SALL4: variants seen among roughly 807,000 people sequenced by gnomAD.
SALL4 encodes the protein sal-like protein 4.
In SALL4, 4 loss-of-function variants were observed where a neutral mutation model predicts 60.8. The ratio of observed to expected loss-of-function variants is 0.07; its 90% CI spans 0.03 to 0.15. The LOEUF is 0.15. SALL4 is among the 10% of genes least tolerant of loss of function. The pLI is 1.00. For missense variants in SALL4, 1,178 were observed against 1,394.7 expected, an observed-to-expected ratio of 0.84 and a Z score of 2.48; for synonymous variants, 580 against 574.9, an observed-to-expected ratio of 1.01 and a Z score of -0.13.
rs1192861393 is a variant in SALL4, at chr20:51,783,253, T to C, written c.*1012A>G. On this transcript the variant is annotated 3_prime_UTR_variant, in exon 4 of 4. Transcript: ENST00000217086. ...GCATCCAAGAGGTGTGGGGAAAACA[T>C]TGGCACTCTCGGGGCTCCAACTGAA... 6.6e-6 allele frequency: 1 copy of C among 152,068 alleles called. No individual in the cohort carries two copies. The highest frequency in any genetic ancestry group is 1.5e-5 in the Non-Finnish European group (1 of 68,016). The allele number at this position is 152,068 out of a possible 1,614,324, so 9.4% of individuals were successfully genotyped here. A position where few individuals can be genotyped will look rare whatever the true frequency, so the allele number is the denominator to read the frequency against.
chr20:51,794,796 TTAAGTAAAC>T (rs2078070187), intron 1 of SALL4, among the ~76,000 whole-genome samples: 1 of 152,264 alleles, frequency 6.6e-6, no homozygotes, highest in Non-Finnish European at 1.5e-5. Flanking sequence ...AGCTAACATG[TTAAGTAAAC>T]TGCAGAGCCA....
intron 3 of SALL4, 128 bp from the exon 4 acceptor site, chr20:51,784,812 C>T (rs2077980861): frequency 9.0e-7 from 1 of 1,106,824 alleles, no homozygotes; most frequent in Non-Finnish European, 1.4e-6. Flanking sequence ...CCTTGACTTA[C>T]AGCGGGGTTA....
rs948037595 is a variant in SALL4, at chr20:51,788,615, C to T, written c.2742+246G>A. Among the ~76,000 whole-genome samples, 1 of 152,100 alleles carries T rather than the reference C, an allele frequency of 6.6e-6. No individual in the cohort carries two copies. The highest frequency in any genetic ancestry group is 1.5e-5 in the Non-Finnish European group (1 of 68,038). The stretch of plus-strand genomic sequence containing the variant: ...CTGAGGCAGGAGAATGGCATGAACC[C>T]GGGAGGAGGAGCTTGCAGTGAGCTT... On this transcript the variant is annotated intron_variant, in intron 3 of 3. Transcript: ENST00000217086. This position sits in a 1 kb window ranked among gnomAD's most constrained non-coding sequence, Gnocchi z 4.1.
rs2078009993 is a variant in SALL4, at chr20:51,788,653, G to A, written c.2742+208C>T. Among the ~76,000 whole-genome samples the A allele has an allele frequency of 2.0e-5, 3 of 152,022 alleles. No individual in the cohort carries two copies. Among genetic ancestry groups the A allele is most frequent in the South Asian group, 2.1e-4 (1 of 4,818 alleles). ...TTGCAGTGAGCTTGAGCTTGAGATGGCGCCACTGCACTCCAGTCTGGGCGA... is the reference window on the plus strand; with the variant it reads ...TTGCAGTGAGCTTGAGCTTGAGATGACGCCACTGCACTCCAGTCTGGGCGA... On this transcript the variant is annotated intron_variant, in intron 3 of 3. Coordinates refer to ENST00000217086, the MANE Select transcript of SALL4 (RefSeq NM_020436.5). The surrounding 1 kb of genome is among the most constrained non-coding windows in gnomAD (Gnocchi z 4.1).
intron 1 of SALL4, chr20:51,797,483 T>A (rs1034173950): frequency 6.6e-6 from 1 of 152,128 alleles, no homozygotes; most frequent in African/African-American, 2.4e-5. Flanking sequence ...ACCAGCAACA[T>A]CCCACTTGAC....
rs963189315 is a variant in SALL4, at chr20:51,795,547, A to G, written c.131-3195T>C. On this transcript the variant is annotated intron_variant, in intron 1 of 3. Coordinates refer to ENST00000217086, the MANE Select transcript of SALL4 (RefSeq NM_020436.5). Reference sequence around the variant, plus strand: ...AAGACTGGAAACCAGCACTAGTGGGAGTGCTAGGTGGCACAATCTTTCTAG... The same window carrying G: ...AAGACTGGAAACCAGCACTAGTGGGGGTGCTAGGTGGCACAATCTTTCTAG... Among the ~76,000 whole-genome samples the G allele has an allele frequency of 3.9e-5, 6 of 152,238 alleles. No homozygotes were observed. The East Asian group carries it at 1.2e-3, about 29-fold the overall frequency.
Position 51,790,698 on chromosome 20 carries a change from C to T in SALL4, c.1785G>A (p.Gln595=). The part of the protein sequence containing the change: ...YRTHTGERPF[Q]CKICGRAFST... ...AAAAGGCTCGGCCACAGATCTTACA[C>T]TGGAACGGTCTCTCCCCGGTGTGGG... The change falls in exon 2 of 4, where the codon CAG becomes CAA. Residue 595 remains glutamine, a synonymous_variant. Transcript: ENST00000217086. The surrounding 1 kb of genome is among the most constrained non-coding windows in gnomAD (Gnocchi z 5.5). 2 of 1,614,172 alleles carry T rather than the reference C, an allele frequency of 1.2e-6. No individual in the cohort carries two copies. Among genetic ancestry groups the T allele is most frequent in the Non-Finnish European group, 1.7e-6 (2 of 1,180,034 alleles).
At chr20:51,792,475 G>A in intron 1 of SALL4, 123 bp from the exon 2 acceptor site, 1 of 1,239,118 alleles carries the variant, frequency 8.1e-7, no homozygotes, top group Non-Finnish European at 1.2e-6. Context: ...GATCACCTGA[G>A]GTTGGGAATT....
chr20:51,789,087 A>G lies in SALL4; in HGVS notation c.2516T>C (p.Val839Ala). The change falls in exon 3 of 4, where the codon GTT becomes GCT. Residue 839 changes from valine (V) to alanine (A), a missense_variant. This residue lies in a region of SALL4 where 853 missense variants were observed against 1,036.8 expected (regional missense o/e 0.82). Coordinates refer to ENST00000217086, the MANE Select transcript of SALL4 (RefSeq NM_020436.5). ...FIRAPPTYVK[V>A]EVPGTFVGPS... ...TCCCACAAATGTGCCAGGAACTTCA[A>G]CCTTGACATAGGTCGGCGGGGCTCG... 1 of 1,614,218 alleles carries G rather than the reference A, an allele frequency of 6.2e-7. No individual in the cohort carries two copies. The highest frequency in any genetic ancestry group is 8.5e-7 in the Non-Finnish European group (1 of 1,180,036).
intron 1 of SALL4, among the ~76,000 whole-genome samples, chr20:51,796,862 A>G (rs576420511): frequency 1.3e-5 from 2 of 152,192 alleles, no homozygotes; most frequent in Admixed American, 1.3e-4. Context: ...TAAAGTTCTA[A>G]TATCACAAAC....
intron 2 of SALL4, 58 bp from the exon 3 acceptor site, chr20:51,789,199 T>G: frequency 1.9e-6 from 3 of 1,592,580 alleles, no homozygotes; most frequent in Non-Finnish European, 2.6e-6. Flanking sequence ...ATTCTTTCTC[T>G]TCAAAGCAAA....
rs11697572 is a variant in SALL4 at position 51,792,668 on chromosome 20, G to A, written c.131-316C>T. 0.026 allele frequency: 12,286 copies of A among 480,256 alleles called. 199 individuals are homozygous for A. Among genetic ancestry groups the A allele is most frequent in the Non-Finnish European group, 0.029 (11,136 of 388,080 alleles). The allele number at this position is 480,256 out of a possible 1,614,324, so 29.7% of individuals were successfully genotyped here. On this transcript the variant is annotated intron_variant, in intron 1 of 3. Transcript: ENST00000217086. ...CCCGCCATTGCACTCCAGCCTGAGC[G>A]ACAGAGCGAGACTCCATCTCAAAAA...
At chr20:51,792,711 G>A (rs1229841201) in intron 1 of SALL4, 5,298 of 496,866 alleles carry the variant, frequency 0.011, 110 homozygotes, top group East Asian at 0.028. Flanking sequence ...AAAAAAAAAG[G>A]CAAAAAGGCT....
chr20:51,789,133 T>G lies in SALL4; in HGVS notation c.2470A>C (p.Ser824Arg). 1 of 1,614,142 alleles carries G rather than the reference T, an allele frequency of 6.2e-7. No individual in the cohort carries two copies. Among genetic ancestry groups the G allele is most frequent in the South Asian group, 1.1e-5 (1 of 91,088 alleles). ...NSRTEMEGRS[S>R]LPSTFIRAPP... ...GCTCGGATAAACGTGGAAGGGAGAC[T>G]GCTCCGACCTAGTACACAGAGGGGA... Residue 824 changes from serine (S) to arginine (R), a missense_variant, in exon 3 of 4, where the codon AGT (serine) becomes CGT (arginine). Ser to Arg is a moderately radical substitution (Grantham distance 110). Around this residue, in one of 5 missense-constraint regions of SALL4, gnomAD observed 853 missense variants for 1,036.8 expected, o/e 0.82. Transcript: ENST00000217086.
intron 3 of SALL4, among the ~76,000 whole-genome samples, chr20:51,785,381 A>G (rs1000714156): frequency 1.3e-5 from 2 of 152,230 alleles, no homozygotes; most frequent in African/African-American, 2.4e-5. Context: ...GAATGGTTGT[A>G]TGGGTGCTCA....
rs76870996 is a variant in SALL4 at position 51,792,075 on chromosome 20, A to G, written c.408T>C (p.Asn136=). The G allele has an allele frequency of 2.0e-3, 3,230 of 1,614,048 alleles. 65 individuals are homozygous for G. In the African/African-American group the frequency reaches 0.038, roughly 19 times the overall value. ...SPGSKDCHRE[N]GGSSEDMKEK... is the part of the protein sequence containing the mutation. ...CCTTCATGTCCTCTGAGCTGCCGCC[A>G]TTCTCCCTGTGACAGTCCTTACTGC... The change falls in exon 2 of 4, where the codon AAT becomes AAC. Residue 136 remains asparagine, a synonymous_variant. Coordinates refer to ENST00000217086, the MANE Select transcript of SALL4 (RefSeq NM_020436.5).
At chr20:51,796,487 C>T (rs1427931154) in intron 1 of SALL4, among the ~76,000 whole-genome samples, 1 of 152,232 alleles carries the variant, frequency 6.6e-6, no homozygotes, top group Non-Finnish European at 1.5e-5. Context: ...GCTATCATTA[C>T]TGTCCGTGTC....
intron 1 of SALL4, among the ~76,000 whole-genome samples, chr20:51,800,776 C>T (rs1420507314): frequency 2.0e-5 from 3 of 151,430 alleles, no homozygotes; most frequent in Admixed American, 6.6e-5. Flanking sequence ...CCTCCAGGCG[C>T]CTGGGACCTC....
Position 51,790,659 on chromosome 20 carries a change from G to A in SALL4, c.1824C>T (p.Asn608=). Residue 608 remains asparagine, a synonymous_variant, in exon 2 of 4, where the codon AAC becomes AAT. Coordinates refer to ENST00000217086, the MANE Select transcript of SALL4 (RefSeq NM_020436.5). This position sits in a 1 kb window ranked among gnomAD's most constrained non-coding sequence, Gnocchi z 5.5. ...ICGRAFSTKG[N]LKTHLGVHRT... Reference sequence around the variant, plus strand: ...GGTGAACCCCAAGGTGTGTCTTCAGGTTACCTTTGGTAGAAAAGGCTCGGC... The same window carrying A: ...GGTGAACCCCAAGGTGTGTCTTCAGATTACCTTTGGTAGAAAAGGCTCGGC... 1 of 1,614,154 alleles carries A rather than the reference G, an allele frequency of 6.2e-7. No homozygotes were observed. Among genetic ancestry groups the A allele is most frequent in the South Asian group, 1.1e-5 (1 of 91,084 alleles).
Sources: allele counts gnomAD v4.1 joint callset (sites outside exome capture counted in the v4.1 genomes callset), GRCh38; gene constraint gnomAD v4.1.1; regional missense constraint gnomAD v4.1.1; non-coding constraint Gnocchi (gnomAD v3.1); transcripts MANE v1.5; gene names NCBI Gene and HGNC (gene_info 2026-07-23, HGNC 2026-07-21).